Variants in VPS13B observed in about 807,000 individuals in gnomAD.
VPS13B encodes vacuolar protein sorting 13 homolog B.
A neutral mutation model predicts 426.4 loss-of-function variants in VPS13B; 285 were observed. The observed-to-expected ratio is 0.67, with a 90% CI of 0.61 to 0.74. The LOEUF (loss-of-function observed/expected upper bound fraction) is 0.74, where lower values mean the gene tolerates loss of function less well. Ranked by LOEUF, VPS13B falls within the 30% of genes least tolerant of loss-of-function variation. The pLI is 0.00. For missense variants in VPS13B, 4,537 were observed against 4,782.6 expected, an observed-to-expected ratio of 0.95 and a Z score of 1.51; for synonymous variants, 1,676 against 1,676.4, an observed-to-expected ratio of 1.00 and a Z score of 0.01.
intron 31 of VPS13B, among the ~76,000 whole-genome samples, chr8:99,570,532 C>A (rs1188214575): frequency 1.3e-5 from 2 of 151,288 alleles, no homozygotes; most frequent in Non-Finnish European, 3.0e-5. Context: ...GTTTTTGAAA[C>A]CTGATTTGCC....
intron 36 of VPS13B, among the ~76,000 whole-genome samples, chr8:99,706,451 A>G (rs1173399542): frequency 6.6e-6 from 1 of 152,200 alleles, no homozygotes; most frequent in African/African-American, 2.4e-5. Flanking sequence ...AAAGGAATTA[A>G]TTGTGTAAAT....
intron 17 of VPS13B, among the ~76,000 whole-genome samples, chr8:99,245,755 G>T (rs1223310179): frequency 6.6e-6 from 1 of 152,114 alleles, no homozygotes; most frequent in African/African-American, 2.4e-5. Flanking sequence ...TGTTGGCCAG[G>T]CTGGCCTCAA....
intron 19 of VPS13B, 62 bp downstream of exon 19, chr8:99,275,316 G>C: frequency 7.1e-7 from 1 of 1,418,310 alleles, no homozygotes; most frequent in Non-Finnish European, 9.3e-7. Flanking sequence ...TTCCAGAAAG[G>C]CTTTTAAAAT....
intron 7 of VPS13B, among the ~76,000 whole-genome samples, chr8:99,118,249 A>G (rs544912758): frequency 5.3e-5 from 8 of 152,300 alleles, no homozygotes; most frequent in Non-Finnish European, 1.0e-4. Flanking sequence ...TTGCTTCATC[A>G]CATATTGGTT....
At chr8:99,215,796 TA>T (rs1661162384) in intron 17 of VPS13B, among the ~76,000 whole-genome samples, 1 of 152,168 alleles carries the variant, frequency 6.6e-6, no homozygotes. Context: ...ATGTTCAGTA[TA>T]AGCTTTTCTT....
intron 19 of VPS13B, chr8:99,341,574 G>A (rs565526001): frequency 6.1e-6 from 1 of 164,870 alleles, no homozygotes; most frequent in Non-Finnish European, 1.3e-5. Flanking sequence ...CCTTCTTCCT[G>A]TGCTTCTCAG....
Position 99,642,112 on chromosome 8 carries a change from A to G in VPS13B, c.5522A>G (p.Asn1841Ser), listed in dbSNP as rs777799261. 2 of 1,614,182 alleles carry G rather than the reference A, an allele frequency of 1.2e-6. No individual in the cohort carries two copies. Among genetic ancestry groups the G allele is most frequent in the Admixed American group, 3.3e-5 (2 of 59,998 alleles). The change falls in exon 34 of 62, where the codon AAT (asparagine) becomes AGT (serine). Residue 1841 changes from asparagine (N) to serine (S), a missense_variant. By Grantham distance (46) the Asn-to-Ser change is conservative. This residue lies in a region of VPS13B where 4,311 missense variants were observed against 4,474.3 expected (regional missense o/e 0.96). Transcript: ENST00000357162. ...LSKSKSQEQK[N>S]NEKTDKSSLN... is the part of the protein sequence containing the mutation. The stretch of plus-strand genomic sequence containing the variant: ...AAATCGAAATCACAAGAACAGAAGA[A>G]TAATGAAAAAACAGACAAGAGTTCA...
chr8:99,759,307 A>C (rs1486010025), intron 39 of VPS13B, among the ~76,000 whole-genome samples: 2 of 152,102 alleles, frequency 1.3e-5, no homozygotes, highest in Non-Finnish European at 2.9e-5. Flanking sequence ...ACAGTCTTTC[A>C]TAGCTCTCTG....
rs550251651 is a variant in VPS13B at position 99,503,055 on chromosome 8, A to G, written c.4157+105A>G. 3,746 of 793,136 alleles carry G rather than the reference A, an allele frequency of 4.7e-3. 15 individuals carry two copies. The highest frequency in any genetic ancestry group is 6.0e-3 in the Non-Finnish European group (2,845 of 470,660). 49.1% of individuals were successfully genotyped at this position (793,136 alleles called of 1,614,324 possible). ...TTGGCTGGTTATTAAAATAAATACT[A>G]TACAGGCATACCTCGGACATATTGA... On this transcript the variant is annotated intron_variant, in intron 27 of 61. Transcript: ENST00000357162.
intron 58 of VPS13B, 83 bp downstream of exon 58, chr8:99,862,029 T>G: frequency 6.9e-7 from 1 of 1,454,664 alleles, no homozygotes; most frequent in East Asian, 2.5e-5. Flanking sequence ...AACTTCGCCT[T>G]CTGCCTGGGA....
At chr8:99,699,390 T>C (rs1179282867) in intron 35 of VPS13B, 135 bp from the exon 36 acceptor site, 5 of 909,526 alleles carry the variant, frequency 5.5e-6, no homozygotes, top group Non-Finnish European at 8.5e-6. Context: ...GTAAGAGATA[T>C]ATCATGTTCA....
chr8:99,400,800 A>G (rs1368692899), intron 21 of VPS13B, among the ~76,000 whole-genome samples: 1 of 152,130 alleles, frequency 6.6e-6, no homozygotes, highest in Non-Finnish European at 1.5e-5. Flanking sequence ...CCTCCCAAGT[A>G]GCTGGGATTA....
At chr8:99,294,730 A>G (rs1819939103) in intron 19 of VPS13B, among the ~76,000 whole-genome samples, 3 of 152,074 alleles carry the variant, frequency 2.0e-5, no homozygotes, top group Admixed American at 2.0e-4. Flanking sequence ...TTGTTTCTTA[A>G]TCTGTTAAAT....
chr8:99,087,500 C>T (rs1264732030), intron 3 of VPS13B, among the ~76,000 whole-genome samples: 1 of 151,976 alleles, frequency 6.6e-6, no homozygotes, highest in Non-Finnish European at 1.5e-5. Flanking sequence ...GTGAGATGAA[C>T]CCGGTACCTC....
intron 8 of VPS13B, among the ~76,000 whole-genome samples, chr8:99,127,699 A>C (rs766458589): frequency 4.6e-5 from 7 of 152,224 alleles, no homozygotes; most frequent in Non-Finnish European, 8.8e-5. Context: ...AGTTTTGTTT[A>C]TTCAGATTAC....
chr8:99,338,764 T>C (rs1274357703), intron 19 of VPS13B, among the ~76,000 whole-genome samples: 1 of 152,176 alleles, frequency 6.6e-6, no homozygotes, highest in Non-Finnish European at 1.5e-5. Flanking sequence ...TTAGACATTC[T>C]TATAATTTTT....
intron 33 of VPS13B, among the ~76,000 whole-genome samples, chr8:99,599,239 C>G (rs1305805402): frequency 2.0e-5 from 3 of 152,012 alleles, no homozygotes; most frequent in Non-Finnish European, 2.9e-5. Context: ...CTATTAATAT[C>G]TGCCTTCCTG....
intron 43 of VPS13B, 79 bp downstream of exon 43, chr8:99,784,555 T>A: frequency 1.3e-6 from 2 of 1,583,358 alleles, no homozygotes. Context: ...GCCTGTCCAG[T>A]TATTTCCCTT....
intron 25 of VPS13B, among the ~76,000 whole-genome samples, chr8:99,485,870 A>G (rs1820274227): frequency 6.6e-6 from 1 of 152,118 alleles, no homozygotes; most frequent in South Asian, 2.1e-4. Flanking sequence ...TCATTCTTTT[A>G]TTTCTTAACA....
Sources: allele counts gnomAD v4.1 joint callset (sites outside exome capture counted in the v4.1 genomes callset), GRCh38; gene constraint gnomAD v4.1.1; regional missense constraint gnomAD v4.1.1; transcripts MANE v1.5; gene names NCBI Gene and HGNC (gene_info 2026-07-23, HGNC 2026-07-21).